The following SIDT1 variants were observed in gnomAD, a reference collection of about 807,000 sequenced individuals.
SIDT1 encodes SID1 transmembrane family member 1.
In SIDT1, 101 loss-of-function variants were observed where a neutral mutation model predicts 107.5. The observed-to-expected ratio is 0.94, with a 90% CI of 0.80 to 1.11. SIDT1 has a LOEUF of 1.11. Ranked by LOEUF, SIDT1 falls within the 50% of genes least tolerant of loss-of-function variation. SIDT1 has a pLI of 0.00. For synonymous variants in SIDT1, 395 were observed against 398.2 expected (o/e 0.99, Z 0.10); for missense variants, 1,076 against 1,058.2 (o/e 1.02, Z -0.23).
chr3:113,574,345 G>A (rs1472266914), intron 3 of SIDT1, among the ~76,000 whole-genome samples: 2 of 152,226 alleles, frequency 1.3e-5, no homozygotes, highest in African/African-American at 4.8e-5. Context: ...GCAGATGGCA[G>A]AAGGAGATAA....
Position 113,532,765 on chromosome 3 carries a change from C to T in SIDT1, c.-257C>T. 1 of 371,948 alleles carries T rather than the reference C, an allele frequency of 2.7e-6. No homozygotes were observed. Among genetic ancestry groups the T allele is most frequent in the Non-Finnish European group, 4.8e-6 (1 of 209,492 alleles). The allele number at this position is 371,948 out of a possible 1,614,324, so 23.0% of individuals were successfully genotyped here. ...GACTTAGAAGCCGGAGGAAAATCAG[C>T]AGCCCCACATCTCCACTTCTCCAGT... On this transcript the variant is annotated 5_prime_UTR_variant, in exon 1 of 25. Transcript: ENST00000264852.
At chr3:113,551,826 T>G (rs13078998) in intron 1 of SIDT1, among the ~76,000 whole-genome samples, 2,076 of 77,496 alleles carry the variant, frequency 0.027, 25 homozygotes, top group Non-Finnish European at 0.038. Flanking sequence ...GTTTTAGGGG[T>G]GTGTGTGTGT....
intron 3 of SIDT1, among the ~76,000 whole-genome samples, chr3:113,569,834 G>T (rs1421858488): frequency 6.6e-6 from 1 of 152,130 alleles, no homozygotes; most frequent in East Asian, 1.9e-4. Flanking sequence ...AAGTTCCCCA[G>T]GTGTTTCTAA....
intron 1 of SIDT1, among the ~76,000 whole-genome samples, chr3:113,534,488 T>C (rs945807908): frequency 3.3e-5 from 5 of 152,220 alleles, no homozygotes; most frequent in Non-Finnish European, 7.3e-5. Context: ...TCAGGTTATA[T>C]GTTCTGTAGT....
chr3:113,592,051 T>G (rs972549851), intron 9 of SIDT1, among the ~76,000 whole-genome samples: 2 of 152,164 alleles, frequency 1.3e-5, no homozygotes, highest in African/African-American at 4.8e-5. Context: ...AAAGTTCGCA[T>G]GTAATATAAT....
chr3:113,608,759 G>C (rs1945526345), intron 17 of SIDT1, among the ~76,000 whole-genome samples: 1 of 152,178 alleles, frequency 6.6e-6, no homozygotes, highest in African/African-American at 2.4e-5. Flanking sequence ...GAATAATAAG[G>C]ACATCCAGAT....
At chr3:113,607,278 G>T (rs1027425028) in intron 15 of SIDT1, among the ~76,000 whole-genome samples, 164 bp downstream of exon 15, 1 of 152,184 alleles carries the variant, frequency 6.6e-6, no homozygotes, top group Non-Finnish European at 1.5e-5. Context: ...TGCTCCTCCC[G>T]TTCCTGTATG....
Position 113,628,333 on chromosome 3 carries a change from T to C in SIDT1, c.*625T>C, listed in dbSNP as rs543989219. 3.3e-5 allele frequency: 5 copies of C among 153,174 alleles called. No individual in the cohort carries two copies. The highest frequency in any genetic ancestry group is 1.2e-4 in the African/African-American group (5 of 41,572). The allele number at this position is 153,174 out of a possible 1,614,324, so 9.5% of individuals were successfully genotyped here. On this transcript the variant is annotated 3_prime_UTR_variant, in exon 25 of 25. Coordinates refer to ENST00000264852, the MANE Select transcript of SIDT1 (RefSeq NM_017699.3). ...ATCAGAAGGGCTCAGGAGTGGGGTT[T>C]GTCACACATTCCTCTTAACAAGTAA...
intron 1 of SIDT1, among the ~76,000 whole-genome samples, chr3:113,537,776 T>G (rs997570020): frequency 6.6e-6 from 1 of 152,168 alleles, no homozygotes; most frequent in Non-Finnish European, 1.5e-5. Context: ...GTCTTTCACG[T>G]GTCCTCTTCT....
At position 113,608,062 on chromosome 3, in the gene SIDT1, A is replaced by ACT. The variant is rs111726633; in HGVS notation, c.1479-26_1479-25dup. The ACT allele has an allele frequency of 8.5e-6, 13 of 1,525,304 alleles. No individual in the cohort carries two copies. In the African/African-American group the frequency reaches 1.4e-4, roughly 16 times the overall value. 94.5% of individuals were successfully genotyped at this position (1,525,304 alleles called of 1,614,324 possible). ...TCTCTGGGTCCCTTTGATGGTCTTG[A>ACT]CTCTCTCATGGTCTCTCACTCATCC... On this transcript the variant is annotated intron_variant, in intron 15 of 24. Coordinates refer to ENST00000264852, the MANE Select transcript of SIDT1 (RefSeq NM_017699.3).
chr3:113,623,583 G>GC (rs760203470), intron 22 of SIDT1, 40 bp from the exon 23 acceptor site: 2 of 1,602,786 alleles, frequency 1.2e-6, no homozygotes, highest in Non-Finnish European at 1.7e-6. Context: ...GCAGGCGAAG[G>GC]CGGGGTCGCG....
chr3:113,615,928 AT>A (rs1370983253), intron 19 of SIDT1, 171 bp from the exon 20 acceptor site: 5 of 645,376 alleles, frequency 7.7e-6, no homozygotes, highest in Non-Finnish European at 1.1e-5. Flanking sequence ...CTCTATGACG[AT>A]ACCATTTTTC....
At chr3:113,561,549 T>C (rs1941428135) in intron 1 of SIDT1, among the ~76,000 whole-genome samples, 1 of 152,128 alleles carries the variant, frequency 6.6e-6, no homozygotes, top group Non-Finnish European at 1.5e-5. Context: ...ACTCTAACAT[T>C]AGTGATCTCA....
At position 113,548,113 on chromosome 3, in the gene SIDT1, T is replaced by C. The variant is rs146719335; in HGVS notation, c.222+14870T>C. On this transcript the variant is annotated intron_variant, in intron 1 of 24. Coordinates refer to ENST00000264852, the MANE Select transcript of SIDT1 (RefSeq NM_017699.3). Reference sequence around the variant, plus strand: ...CTGCCTAACCCAGGATTCTAAAGTATTTTGACTTAATTTGCTTCCTCATTG... The same window carrying C: ...CTGCCTAACCCAGGATTCTAAAGTACTTTGACTTAATTTGCTTCCTCATTG... Among the ~76,000 whole-genome samples, 709 of 152,184 alleles carry C rather than the reference T, an allele frequency of 4.7e-3. 5 individuals are homozygous for C. The highest frequency in any genetic ancestry group is 0.016 in the African/African-American group (667 of 41,544).
intron 1 of SIDT1, among the ~76,000 whole-genome samples, chr3:113,562,876 G>A (rs756436742): frequency 6.6e-6 from 1 of 152,196 alleles, no homozygotes; most frequent in Non-Finnish European, 1.5e-5. Flanking sequence ...TTCAATTTAA[G>A]TGATAAAAGA....
chr3:113,611,982 C>T (rs1222020233), intron 18 of SIDT1, 104 bp from the exon 19 acceptor site: 1 of 763,204 alleles, frequency 1.3e-6, no homozygotes, highest in African/African-American at 1.7e-5. Flanking sequence ...ATAGAATGTG[C>T]ACACAGCTGT....
At chr3:113,580,751 A>G (rs764285347) in intron 5 of SIDT1, 42 bp downstream of exon 5, 26 of 1,215,614 alleles carry the variant, frequency 2.1e-5, no homozygotes, top group Non-Finnish European at 4.9e-6. Context: ...ATAGAGCATT[A>G]TATTATTCCA....
intron 9 of SIDT1, among the ~76,000 whole-genome samples, chr3:113,585,900 G>A (rs991382734): frequency 6.6e-6 from 1 of 152,142 alleles, no homozygotes; most frequent in Admixed American, 6.5e-5. Context: ...CTCTCTCAGC[G>A]GGGTTGAACC....
intron 3 of SIDT1, among the ~76,000 whole-genome samples, chr3:113,575,918 G>A (rs1942863422): frequency 6.6e-6 from 1 of 152,218 alleles, no homozygotes; most frequent in South Asian, 2.1e-4. Flanking sequence ...GCACATTGGA[G>A]GGGCAGGGGC....
Sources: gnomAD v4.1 joint callset for allele counts (sites outside exome capture counted in the v4.1 genomes callset) on GRCh38, gnomAD v4.1.1 for gene constraint, MANE v1.5 for transcripts, NCBI Gene and HGNC (gene_info 2026-07-23, HGNC 2026-07-21) for gene names.